DCLK1: variants seen among roughly 807,000 people sequenced by gnomAD.
The protein encoded by DCLK1 is serine/threonine-protein kinase DCLK1.
Under a neutral mutation model 86.2 loss-of-function variants are expected in DCLK1, and 16 were observed. The observed-to-expected ratio is 0.19, with a 90% CI of 0.13 to 0.28. The LOEUF is 0.28. Among genes scored for constraint, DCLK1 ranks in the 10% least tolerant of loss-of-function variants. DCLK1 has a pLI of 1.00. For synonymous variants in DCLK1, 369 were observed against 370.5 expected (o/e 1.00, Z 0.05); for missense variants, 590 against 940.2 (o/e 0.63, Z 4.87).
chr13:36,008,227 AT>A lies in DCLK1; in HGVS notation c.724-60771del, dbSNP rs1203184266. On this transcript the variant is annotated intron_variant, in intron 3 of 16. Transcript: ENST00000360631. ...TATTATTATTATTATTATTATTATTATTTTTTTAATTATACTTTAAGTTTTA... is the reference window on the plus strand; with the variant it reads ...TATTATTATTATTATTATTATTATTATTTTTTAATTATACTTTAAGTTTTA... Among the ~76,000 whole-genome samples the A allele has an allele frequency of 3.5e-4, 30 of 85,166 alleles. 2 individuals are homozygous for A. The highest frequency in any genetic ancestry group is 1.2e-3 in the East Asian group (3 of 2,534). 55.9% of individuals were successfully genotyped at this position (85,166 alleles called of 152,430 possible).
At chr13:35,785,080 C>A (rs573697701) in intron 16 of DCLK1, among the ~76,000 whole-genome samples, 2 of 152,260 alleles carry the variant, frequency 1.3e-5, no homozygotes, top group Admixed American at 6.5e-5. Flanking sequence ...ACTCAACCAC[C>A]CTTTTGTCCT....
intron 3 of DCLK1, among the ~76,000 whole-genome samples, chr13:36,006,405 G>A (rs888446467): frequency 5.3e-5 from 8 of 152,328 alleles, no homozygotes; most frequent in East Asian, 1.9e-4. Context: ...CCACATCTAC[G>A]TGTGAAACTA....
chr13:36,085,725 T>C (rs1023391121), intron 3 of DCLK1, among the ~76,000 whole-genome samples: 1 of 152,174 alleles, frequency 6.6e-6, no homozygotes, highest in Non-Finnish European at 1.5e-5. Context: ...AATACCAGTC[T>C]GCCATTAAGC....
intron 3 of DCLK1, among the ~76,000 whole-genome samples, chr13:36,066,870 A>G (rs1289556679): frequency 6.6e-6 from 1 of 151,392 alleles, no homozygotes; most frequent in Non-Finnish European, 1.5e-5. Context: ...ACCATCTCAC[A>G]CCAGTTAGAA....
At chr13:35,786,234 G>C (rs2086618600) in intron 16 of DCLK1, among the ~76,000 whole-genome samples, 1 of 152,118 alleles carries the variant, frequency 6.6e-6, no homozygotes, top group Admixed American at 6.5e-5. Flanking sequence ...TACAAATTTA[G>C]TAATTTAATT....
At chr13:36,027,071 C>T (rs1053146793) in intron 3 of DCLK1, among the ~76,000 whole-genome samples, 1 of 152,160 alleles carries the variant, frequency 6.6e-6, no homozygotes, top group African/African-American at 2.4e-5. Context: ...AGGATTCAAA[C>T]TATTTTCACA....
At chr13:36,045,978 T>C (rs1882901774) in intron 3 of DCLK1, among the ~76,000 whole-genome samples, 1 of 152,186 alleles carries the variant, frequency 6.6e-6, no homozygotes, top group Middle Eastern at 3.2e-3. Flanking sequence ...CATGACCCAA[T>C]TCTAGGAAAG....
In DCLK1 at chr13:35,957,934, CACTACCACT is replaced by C. The variant is rs1435426329; in HGVS notation, c.724-10486_724-10478del. 7.2e-5 allele frequency among the ~76,000 whole-genome samples: 11 copies of C among 151,822 alleles called. No individual in the cohort carries two copies. In the South Asian group the frequency reaches 1.5e-3, roughly 20 times the overall value. On this transcript the variant is annotated intron_variant, in intron 3 of 16. Coordinates refer to ENST00000360631, the MANE Select transcript of DCLK1 (RefSeq NM_001330071.2). ...CCACCACCACTGCTATAACCATCACCACTACCACTACTACCACTACTACAACCATTACCA... is the reference window on the plus strand; with the variant it reads ...CCACCACCACTGCTATAACCATCACCACTACCACTACTACAACCATTACCA...
intron 6 of DCLK1, among the ~76,000 whole-genome samples, chr13:35,852,520 G>T (rs1870730611): frequency 6.6e-6 from 1 of 152,112 alleles, no homozygotes; most frequent in Non-Finnish European, 1.5e-5. Flanking sequence ...AAAACAAATG[G>T]GATTGTTTTT....
rs1181953711 is a variant in DCLK1 at position 36,069,881 on chromosome 13, A to AG, written c.723+41987dup. ...GGTGCTATACCTTAAAATTAACACTAGAGCAACAGCATCCATCAGCGATAG... is the reference window on the plus strand; with the variant it reads ...GGTGCTATACCTTAAAATTAACACTAGGAGCAACAGCATCCATCAGCGATAG... On this transcript the variant is annotated intron_variant, in intron 3 of 16. Transcript: ENST00000360631. 1.9e-4 allele frequency among the ~76,000 whole-genome samples: 29 copies of AG among 152,308 alleles called. No homozygotes were observed. The East Asian group carries it at 4.8e-3, about 25-fold the overall frequency.
intron 3 of DCLK1, among the ~76,000 whole-genome samples, chr13:35,968,501 A>T (rs1294691816): frequency 2.0e-5 from 3 of 152,194 alleles, no homozygotes; most frequent in Non-Finnish European, 4.4e-5. Context: ...AGTTGCTCCT[A>T]CTTGCAATTA....
rs71084406 is a variant in DCLK1 at position 36,103,404 on chromosome 13, T to TAAAA, written c.723+8461_723+8464dup. Among the ~76,000 whole-genome samples the TAAAA allele has an allele frequency of 4.2e-3, 457 of 109,048 alleles. 7 individuals are homozygous for TAAAA. The highest frequency in any genetic ancestry group is 0.015 in the African/African-American group (437 of 28,946). 71.5% of individuals were successfully genotyped at this position (109,048 alleles called of 152,430 possible). On this transcript the variant is annotated intron_variant, in intron 3 of 16. Transcript: ENST00000360631. Reference sequence around the variant, plus strand: ...GGGAGACAGAACAAGACACCTGTCTTAAAAAAAAAAAAAAAAAAAAGACAA... The same window carrying TAAAA: ...GGGAGACAGAACAAGACACCTGTCTTAAAAAAAAAAAAAAAAAAAAAAAAGACAA...
chr13:36,019,393 A>G (rs181544585), intron 3 of DCLK1, among the ~76,000 whole-genome samples: 71 of 152,340 alleles, frequency 4.7e-4, no homozygotes, highest in Middle Eastern at 3.4e-3. Context: ...CAGACCTGAA[A>G]AAGTGTAACT....
intron 4 of DCLK1, among the ~76,000 whole-genome samples, chr13:35,931,413 C>A (rs182764768): frequency 6.6e-6 from 1 of 152,168 alleles, no homozygotes; most frequent in African/African-American, 2.4e-5. Context: ...CTTGACATCA[C>A]GTCAGAAAGC....
chr13:36,126,215 A>AT (rs1363696553), intron 1 of DCLK1, 59 bp from the exon 2 acceptor site: 50 of 661,084 alleles, frequency 7.6e-5, no homozygotes, highest in African/African-American at 7.2e-4. Flanking sequence ...ATATATATAT[A>AT]TATTTTTTTG....
chr13:36,051,481 C>A (rs1191554803), intron 3 of DCLK1, among the ~76,000 whole-genome samples: 2 of 152,128 alleles, frequency 1.3e-5, no homozygotes, highest in Non-Finnish European at 2.9e-5. Context: ...CACATAAGTA[C>A]ATTTGTCTTG....
intron 16 of DCLK1, among the ~76,000 whole-genome samples, chr13:35,784,495 A>G (rs1374547587): frequency 1.3e-5 from 2 of 152,190 alleles, no homozygotes; most frequent in African/African-American, 4.8e-5. Context: ...ACGCCACAAC[A>G]GGCATAGTAT....
chr13:35,964,787 A>G (rs1269761832), intron 3 of DCLK1, among the ~76,000 whole-genome samples: 1 of 152,060 alleles, frequency 6.6e-6, no homozygotes, highest in African/African-American at 2.4e-5. Flanking sequence ...GTTGGAAAAA[A>G]AAAAAAAAAA....
At chr13:36,059,351 T>C (rs1205620723) in intron 3 of DCLK1, among the ~76,000 whole-genome samples, 1 of 152,192 alleles carries the variant, frequency 6.6e-6, no homozygotes, top group Admixed American at 6.5e-5. Flanking sequence ...ACTTTACTGC[T>C]GCATGGAGAA....
Sources: allele counts gnomAD v4.1 joint callset (sites outside exome capture counted in the v4.1 genomes callset), GRCh38; gene constraint gnomAD v4.1.1; transcripts MANE v1.5; gene names NCBI Gene and HGNC (gene_info 2026-07-23, HGNC 2026-07-21).